CCT4: variants seen among roughly 807,000 people sequenced by gnomAD.
CCT4 encodes the protein chaperonin containing TCP1 subunit 4.
A neutral mutation model predicts 62.5 loss-of-function variants in CCT4; 17 were observed. The ratio of observed to expected loss-of-function variants is 0.27; its 90% CI spans 0.19 to 0.41. The LOEUF (loss-of-function observed/expected upper bound fraction) is 0.41. Among genes scored for constraint, CCT4 ranks in the 10% least tolerant of loss-of-function variants. CCT4 has a pLI of 1.00. For synonymous variants in CCT4, 250 were observed against 229.9 expected (o/e 1.09, Z -0.79); for missense variants, 592 against 659.2 (o/e 0.90, Z 1.12).
chr2:61,878,443 A>G (rs1669045706), intron 5 of CCT4, among the ~76,000 whole-genome samples: 1 of 152,210 alleles, frequency 6.6e-6, no homozygotes, highest in South Asian at 2.1e-4. Context: ...CATCTATAAA[A>G]TGGGGATATG....
intron 6 of CCT4, 85 bp downstream of exon 6, chr2:61,877,308 C>T (rs892592990): frequency 4.5e-6 from 6 of 1,321,292 alleles, no homozygotes; most frequent in Non-Finnish European, 6.4e-6. Flanking sequence ...AGCTTTGTGA[C>T]TTTCATCTAG....
chr2:61,872,462 T>G lies in CCT4; in HGVS notation c.1252A>C (p.Lys418Gln). Residue 418 changes from lysine (K) to glutamine (Q), a missense_variant, in exon 11 of 14, where the codon AAG becomes CAG. Around this residue, in one of 3 missense-constraint regions of CCT4, gnomAD observed 522 missense variants for 571.2 expected, o/e 0.91. Coordinates refer to ENST00000394440, the MANE Select transcript of CCT4 (RefSeq NM_006430.4). Reference sequence around the variant, plus strand: ...ATAATGTAACACTGACATTACCTCTTCTTCACTAAACAACGAATAACACAT... The same window carrying G: ...ATAATGTAACACTGACATTACCTCTGCTTCACTAAACAACGAATAACACAT... The part of the protein sequence containing the change: ...ALCVIRCLVK[K>Q]RALIAGGGAP... 6.2e-7 allele frequency: 1 copy of G among 1,611,808 alleles called. No homozygotes were observed.
At chr2:61,868,738 T>G (rs756195811) in intron 13 of CCT4, 32 bp from the exon 14 acceptor site, 3 of 1,506,088 alleles carry the variant, frequency 2.0e-6, no homozygotes, top group Non-Finnish European at 2.8e-6. Flanking sequence ...TTTCAAAACC[T>G]GTAATGACAG....
Position 61,881,427 on chromosome 2 carries a change from G to C in CCT4, c.271-1033C>G, listed in dbSNP as rs796758989. Among the ~76,000 whole-genome samples the C allele has an allele frequency of 5.3e-5, 8 of 152,186 alleles. No homozygotes were observed. In the East Asian group the frequency reaches 5.8e-4, roughly 11 times the overall value. ...ACGAGCCACTGCGACCAGACTGATA[G>C]AAATTTCTTTCTAATGAATTTGTTT... is the stretch of plus-strand genomic sequence containing the variant. On this transcript the variant is annotated intron_variant, in intron 3 of 13. Coordinates refer to ENST00000394440, the MANE Select transcript of CCT4 (RefSeq NM_006430.4).
chr2:61,880,701 T>G (rs1428205022), intron 3 of CCT4, among the ~76,000 whole-genome samples: 1 of 152,092 alleles, frequency 6.6e-6, no homozygotes, highest in Non-Finnish European at 1.5e-5. Flanking sequence ...CAGATGAGAC[T>G]AGAGTATCAA....
At chr2:61,881,178 G>A (rs114829959) in intron 3 of CCT4, among the ~76,000 whole-genome samples, 552 of 151,238 alleles carry the variant, frequency 3.6e-3, no homozygotes, top group African/African-American at 0.013. Context: ...AAAACTTCAC[G>A]TAGCAGTGAA....
chr2:61,876,812 T>C (rs1669010746), intron 7 of CCT4, 108 bp downstream of exon 7: 3 of 930,550 alleles, frequency 3.2e-6, no homozygotes, highest in Middle Eastern at 3.5e-4. Flanking sequence ...GTAAGTCTTT[T>C]GAGATCTGCT....
chr2:61,883,438 C>T (rs1248824358), intron 3 of CCT4, 21 bp downstream of exon 3: 1 of 848,748 alleles, frequency 1.2e-6, no homozygotes, highest in Non-Finnish European at 1.8e-6. Flanking sequence ...AAAAAAAAGA[C>T]TCACCTAAAA....
intron 13 of CCT4, chr2:61,868,952 T>A (rs1423112663): frequency 2.4e-6 from 1 of 423,212 alleles, no homozygotes; most frequent in Admixed American, 3.5e-5. Flanking sequence ...CTGACCAACA[T>A]GGTGAAACCC....
intron 3 of CCT4, among the ~76,000 whole-genome samples, chr2:61,881,649 T>C (rs2105137601): frequency 6.6e-6 from 1 of 152,302 alleles, no homozygotes; most frequent in Non-Finnish European, 1.5e-5. Context: ...TTATTTCCAA[T>C]CATTTTCTAT....
Position 61,888,653 on chromosome 2 carries a change from G to A in CCT4, c.-146C>T, listed in dbSNP as rs907849450. The stretch of plus-strand genomic sequence containing the variant: ...GGCGTCGGGAGGAGGCGGAGGCGGA[G>A]AAGGGGGCCTTCCTTGCCGCGCGGC... On this transcript the variant is annotated 5_prime_UTR_variant, in exon 1 of 14. Transcript: ENST00000394440. 18 of 942,896 alleles carry A rather than the reference G, an allele frequency of 1.9e-5. No individual in the cohort carries two copies. The East Asian group carries it at 3.4e-4, about 18-fold the overall frequency. The allele number at this position is 942,896 out of a possible 1,614,324, so 58.4% of individuals were successfully genotyped here.
rs765737419 is a variant in CCT4 at position 61,880,270 on chromosome 2, A to T, written c.379+16T>A. On this transcript the variant is annotated intron_variant, in intron 4 of 13. Transcript: ENST00000394440. The stretch of plus-strand genomic sequence containing the variant: ...TAAACTTTTCTTTATTCAGTAATAA[A>T]GTACATCCTACCCACCTTTCTGAAG... 3 of 1,387,176 alleles carry T rather than the reference A, an allele frequency of 2.2e-6. No individual in the cohort carries two copies. The highest frequency in any genetic ancestry group is 3.0e-6 in the Non-Finnish European group (3 of 1,005,214). The allele number at this position is 1,387,176 out of a possible 1,614,324, so 85.9% of individuals were successfully genotyped here. A position where few individuals can be genotyped will look rare whatever the true frequency, so the allele number is the denominator to read the frequency against.
In CCT4 at chr2:61,868,649, C is replaced by A; in HGVS notation, c.*43G>T. ...CCAAGGTGATCTTCTTCCATTCCAG[C>A]CACAATACTGGTGATCATAATGGTG... On this transcript the variant is annotated 3_prime_UTR_variant, in exon 14 of 14. Coordinates refer to ENST00000394440, the MANE Select transcript of CCT4 (RefSeq NM_006430.4). 1 of 1,485,630 alleles carries A rather than the reference C, an allele frequency of 6.7e-7. No individual in the cohort carries two copies. The highest frequency in any genetic ancestry group is 9.4e-7 in the Non-Finnish European group (1 of 1,063,996). 92.0% of individuals were successfully genotyped at this position (1,485,630 alleles called of 1,614,324 possible).
In CCT4 at chr2:61,877,375, G is replaced by A. The variant is rs758005184; in HGVS notation, c.644+18C>T. 1.4e-5 allele frequency: 23 copies of A among 1,597,700 alleles called. 1 individual carries two copies. In the South Asian group the frequency reaches 2.6e-4, roughly 18 times the overall value. On this transcript the variant is annotated intron_variant, in intron 6 of 13. Coordinates refer to ENST00000394440, the MANE Select transcript of CCT4 (RefSeq NM_006430.4). The stretch of plus-strand genomic sequence containing the variant: ...TCATTTTCAAATTTTTATTCAAGTT[G>A]TAATTAGAGATGCTTACCCAAGCTT...
At position 61,872,479 on chromosome 2, in the gene CCT4, A is replaced by G. The variant is rs762067612; in HGVS notation, c.1235T>C (p.Ile412Thr). 5.6e-6 allele frequency: 9 copies of G among 1,613,514 alleles called. No homozygotes were observed. The highest frequency in any genetic ancestry group is 2.2e-5 in the East Asian group (1 of 44,864). ...TTACCTCTTCTTCACTAAACAACGA[A>G]TAACACATAGGGCATCATGAATGGA... ...ERSIHDALCV[I>T]RCLVKKRALI... Residue 412 changes from isoleucine to threonine, a missense_variant, in exon 11 of 14, where the codon ATT (isoleucine) becomes ACT (threonine). Transcript: ENST00000394440.
intron 1 of CCT4, 152 bp downstream of exon 1, chr2:61,888,229 G>T: frequency 1.1e-6 from 1 of 943,886 alleles, no homozygotes. Context: ...CAGAAAAACA[G>T]AAATAAGGAT....
At chr2:61,881,779 T>A (rs997667187) in intron 3 of CCT4, among the ~76,000 whole-genome samples, 1 of 152,166 alleles carries the variant, frequency 6.6e-6, no homozygotes, top group African/African-American at 2.4e-5. Flanking sequence ...ATTAACATGC[T>A]GTGGTATACT....
intron 12 of CCT4, among the ~76,000 whole-genome samples, chr2:61,870,883 C>A (rs1169694010): frequency 6.6e-6 from 1 of 152,016 alleles, no homozygotes; most frequent in African/African-American, 2.4e-5. Flanking sequence ...TGCTACTGCA[C>A]TGCAGCCTGG....
chr2:61,883,562 T>C lies in CCT4; in HGVS notation c.181-14A>G, dbSNP rs745842152. On this transcript the variant is annotated splice_polypyrimidine_tract_variant and intron_variant, in intron 2 of 13. Coordinates refer to ENST00000394440, the MANE Select transcript of CCT4 (RefSeq NM_006430.4). ...TCCATCTTGAATCTAGAAAAAAAAT[T>C]TTAAAGTTATATTTCAATGTCACAC... The C allele has an allele frequency of 2.9e-6, 4 of 1,361,340 alleles. No individual in the cohort carries two copies. The highest frequency in any genetic ancestry group is 3.7e-5 in the Admixed American group (2 of 53,608). The allele number at this position is 1,361,340 out of a possible 1,614,324, so 84.3% of individuals were successfully genotyped here. A position where few individuals can be genotyped will look rare whatever the true frequency, so the allele number is the denominator to read the frequency against.
Sources: allele counts gnomAD v4.1 joint callset (sites outside exome capture counted in the v4.1 genomes callset), GRCh38; gene constraint gnomAD v4.1.1; regional missense constraint gnomAD v4.1.1; transcripts MANE v1.5; gene names NCBI Gene and HGNC (gene_info 2026-07-23, HGNC 2026-07-21).